Variants in MRPS6 observed in about 807,000 individuals in gnomAD.
MRPS6 encodes the protein mitochondrial ribosomal protein S6.
MRPS6 carries 6 observed loss-of-function variants against 13.1 expected under a neutral mutation model. The ratio of observed to expected loss-of-function variants is 0.46; its 90% confidence interval spans 0.25 to 0.91. MRPS6 has a LOEUF of 0.91. MRPS6 is among the 40% of genes least tolerant of loss of function. The probability of loss-of-function intolerance (pLI) is 0.18; values close to 1 mark genes in which losing one functional copy is unlikely to be tolerated. For synonymous variants in MRPS6, 61 were observed against 56.5 expected, an observed-to-expected ratio of 1.08 and a Z score of -0.36; for missense variants, 164 against 155.6, an observed-to-expected ratio of 1.05 and a Z score of -0.29.
At chr21:34,139,333 T>TTTAAAAAGTTTA (rs1277421157) in intron 2 of MRPS6, among the ~76,000 whole-genome samples, 9 of 151,508 alleles carry the variant, frequency 5.9e-5, no homozygotes, top group Admixed American at 5.9e-4. Context: ...ACTTAAAGTA[T>TTTAAAAAGTTTA]AATAAAAAAA....
intron 1 of MRPS6, among the ~76,000 whole-genome samples, chr21:34,074,973 C>T (rs945540587): frequency 1.3e-5 from 2 of 152,188 alleles, no homozygotes; most frequent in South Asian, 2.1e-4. Flanking sequence ...CATTGTGTCC[C>T]CCAGCTTGTT....
intron 1 of MRPS6, chr21:34,095,345 A>G (rs745648176): frequency 6.2e-7 from 1 of 1,614,134 alleles, no homozygotes; most frequent in South Asian, 1.1e-5. Context: ...TGACCTGGGT[A>G]GCAATTGGTG....
intron 2 of MRPS6, among the ~76,000 whole-genome samples, chr21:34,137,324 T>G (rs999895983): frequency 6.6e-6 from 1 of 152,212 alleles, no homozygotes; most frequent in Non-Finnish European, 1.5e-5. Context: ...ATATACCTGA[T>G]AGATTTTGTT....
intron 1 of MRPS6, among the ~76,000 whole-genome samples, chr21:34,076,789 C>T (rs1304318602): frequency 6.6e-6 from 1 of 152,104 alleles, no homozygotes. Flanking sequence ...TTGTTTAGAC[C>T]AGTCTTAGTT....
intron 2 of MRPS6, chr21:34,135,689 C>T (rs1980670792): frequency 7.8e-6 from 3 of 384,296 alleles, no homozygotes; most frequent in Admixed American, 3.3e-5. Flanking sequence ...TCCTGGGGAC[C>T]ACCATTGATG....
chr21:34,132,681 T>G (rs1980547413), intron 2 of MRPS6, among the ~76,000 whole-genome samples: 1 of 152,148 alleles, frequency 6.6e-6, no homozygotes, highest in Non-Finnish European at 1.5e-5. Flanking sequence ...GTCCGGAGCT[T>G]GACTCTCACT....
chr21:34,126,858 C>T (rs770463147), intron 2 of MRPS6, among the ~76,000 whole-genome samples: 2 of 152,112 alleles, frequency 1.3e-5, no homozygotes, highest in Non-Finnish European at 1.5e-5. Context: ...TGCACTAACA[C>T]GTAGCCTGAG....
intron 1 of MRPS6, chr21:34,100,165 C>G (rs1185091283): frequency 1.0e-6 from 1 of 999,862 alleles, no homozygotes; most frequent in African/African-American, 1.7e-5. Context: ...GGTGAGGACA[C>G]TGGTCTTGGA....
chr21:34,121,124 A>G (rs554871025), intron 1 of MRPS6, among the ~76,000 whole-genome samples: 1 of 152,310 alleles, frequency 6.6e-6, no homozygotes, highest in East Asian at 1.9e-4. Flanking sequence ...TAGTGAAAGA[A>G]TATTTTTAGA....
At chr21:34,125,593 A>G (rs1980275901) in intron 2 of MRPS6, 113 bp downstream of exon 2, 4 of 1,481,352 alleles carry the variant, frequency 2.7e-6, no homozygotes, top group Non-Finnish European at 3.6e-6. Context: ...TGTTGCGCCT[A>G]GGTGTCCTTT....
chr21:34,091,536 T>C (rs1473606438), intron 1 of MRPS6, among the ~76,000 whole-genome samples: 6 of 152,200 alleles, frequency 3.9e-5, no homozygotes, highest in Non-Finnish European at 8.8e-5. Context: ...GGAGTGCTTA[T>C]TTAAATTTGG....
chr21:34,138,779 C>A lies in MRPS6; in HGVS notation c.186-3629C>A, dbSNP rs567820749. On this transcript the variant is annotated intron_variant, in intron 2 of 2. Coordinates refer to ENST00000399312, the MANE Select transcript of MRPS6 (RefSeq NM_032476.4). ...TCAACCATTGTGGAAGTCAGTGTGG[C>A]GATTCCTCAGGGATCTAGAACTGGA... Among the ~76,000 whole-genome samples, 14 of 152,204 alleles carry A rather than the reference C, an allele frequency of 9.2e-5. No homozygotes were observed. The South Asian group carries it at 1.0e-3, about 11-fold the overall frequency.
intron 2 of MRPS6, among the ~76,000 whole-genome samples, chr21:34,128,670 A>G (rs1396328894): frequency 6.6e-6 from 1 of 152,222 alleles, no homozygotes; most frequent in Non-Finnish European, 1.5e-5. Context: ...TTATTTTCCC[A>G]GTGGAACAAC....
intron 1 of MRPS6, among the ~76,000 whole-genome samples, chr21:34,085,910 G>A (rs1386025182): frequency 1.3e-5 from 2 of 152,056 alleles, no homozygotes; most frequent in Non-Finnish European, 2.9e-5. Flanking sequence ...CCAGAAATAA[G>A]GACTTTTAAA....
chr21:34,098,182 G>A (rs1293014275), intron 1 of MRPS6: 2 of 999,552 alleles, frequency 2.0e-6, no homozygotes, highest in Non-Finnish European at 2.4e-6. Flanking sequence ...GAAATGACCA[G>A]CCCCCTAAGC....
rs569296230 is a variant in MRPS6 at position 34,130,652 on chromosome 21, A to G, written c.185+5172A>G. ...AGGAGGGCACATTATCACCTGGAAG[A>G]TCACGTGGGCAAGTTCTACCTAGGA... On this transcript the variant is annotated intron_variant, in intron 2 of 2. Transcript: ENST00000399312. 2.6e-5 allele frequency among the ~76,000 whole-genome samples: 4 copies of G among 152,288 alleles called. No homozygotes were observed. In the East Asian group the frequency reaches 5.8e-4, roughly 22 times the overall value.
At chr21:34,078,951 C>G (rs1989396142) in intron 1 of MRPS6, among the ~76,000 whole-genome samples, 1 of 152,178 alleles carries the variant, frequency 6.6e-6, no homozygotes, top group South Asian at 2.1e-4. Flanking sequence ...GTAGTTACCT[C>G]TTAGGGGAAT....
intron 1 of MRPS6, chr21:34,095,523 A>G: frequency 6.2e-7 from 1 of 1,613,734 alleles, no homozygotes; most frequent in Non-Finnish European, 8.5e-7. Context: ...GGTATATACC[A>G]TGCCTGAATA....
intron 1 of MRPS6, among the ~76,000 whole-genome samples, chr21:34,110,432 A>C: frequency 6.6e-6 from 1 of 151,860 alleles, no homozygotes; most frequent in East Asian, 1.9e-4. Flanking sequence ...GTGAGCTACT[A>C]TTGTGCCACT....
Sources: allele counts gnomAD v4.1 joint callset (sites outside exome capture counted in the v4.1 genomes callset), GRCh38; gene constraint gnomAD v4.1.1; transcripts MANE v1.5; gene names NCBI Gene and HGNC (gene_info 2026-07-23, HGNC 2026-07-21).